The following PXN variants were observed in gnomAD, a reference collection of about 807,000 sequenced individuals.
The protein encoded by PXN is testicular tissue protein Li 134.
A neutral mutation model predicts 103.6 loss-of-function variants in PXN; 61 were observed. The observed-to-expected ratio is 0.59, with a 90% confidence interval of 0.48 to 0.73. The LOEUF (loss-of-function observed/expected upper bound fraction) is 0.73, where lower values mean the gene tolerates loss of function less well. Ranked by LOEUF, PXN falls within the 30% of genes least tolerant of loss-of-function variation. The pLI is 0.00. For missense variants in PXN, 1,274 were observed against 1,460.3 expected (o/e 0.87, Z 2.08); for synonymous variants, 562 against 607.8 (o/e 0.92, Z 1.11).
intron 7 of PXN, among the ~76,000 whole-genome samples, chr12:120,218,450 C>T (rs1594369187): frequency 1.3e-5 from 2 of 152,124 alleles, no homozygotes; most frequent in South Asian, 2.1e-4. Context: ...CTTGGCTCAC[C>T]GCAACCTCTG....
chr12:120,265,685 T>C lies in PXN; in HGVS notation c.-56A>G. 4.2e-6 allele frequency: 6 copies of C among 1,414,352 alleles called. No individual in the cohort carries two copies. The South Asian group carries it at 8.4e-5, about 20-fold the overall frequency. The allele number at this position is 1,414,352 out of a possible 1,614,324, so 87.6% of individuals were successfully genotyped here. A position where few individuals can be genotyped will look rare whatever the true frequency, so the allele number is the denominator to read the frequency against. On this transcript the variant is annotated 5_prime_UTR_variant, in exon 1 of 15. Coordinates refer to ENST00000637617, the MANE Select transcript of PXN (RefSeq NM_001385981.1). This position sits in a 1 kb window ranked among gnomAD's most constrained non-coding sequence, Gnocchi z 5.7. ...CGCTAGCTGCCCGTCCCGGGGCCGC[T>C]CGTCTATGCCCCGCAACTTTTCCGC... is the stretch of plus-strand genomic sequence containing the variant.
intron 1 of PXN, among the ~76,000 whole-genome samples, chr12:120,233,456 A>C (rs1888446859): frequency 1.3e-5 from 2 of 152,064 alleles, no homozygotes; most frequent in South Asian, 4.1e-4. Flanking sequence ...ACAGGTACAC[A>C]CCACACCTGG....
chr12:120,224,068 C>T lies in PXN; in HGVS notation c.240+83G>A. 8.7e-7 allele frequency: 1 copy of T among 1,155,216 alleles called. No individual in the cohort carries two copies. The highest frequency in any genetic ancestry group is 1.2e-6 in the Non-Finnish European group (1 of 823,770). 71.6% of individuals were successfully genotyped at this position (1,155,216 alleles called of 1,614,324 possible). On this transcript the variant is annotated intron_variant, in intron 2 of 14. Coordinates refer to ENST00000637617, the MANE Select transcript of PXN (RefSeq NM_001385981.1). The surrounding 1 kb of genome is among the most constrained non-coding windows in gnomAD (Gnocchi z 5.0). ...TCGACTGCCCCAATTCCATTCCATC[C>T]CCTGGCTCCCTAAGCCCCTGCCAGC...
intron 1 of PXN, among the ~76,000 whole-genome samples, chr12:120,261,794 T>C (rs1893925195): frequency 6.6e-6 from 1 of 152,160 alleles, no homozygotes; most frequent in Non-Finnish European, 1.5e-5. Context: ...CTTGAACCTA[T>C]AGTGACAGGG....
chr12:120,214,332 T>G lies in PXN; in HGVS notation c.2749-115A>C. The G allele has an allele frequency of 1.2e-6, 1 of 855,496 alleles. No individual in the cohort carries two copies. Among genetic ancestry groups the G allele is most frequent in the East Asian group, 2.7e-5 (1 of 37,612 alleles). 53.0% of individuals were successfully genotyped at this position (855,496 alleles called of 1,614,324 possible). A position where few individuals can be genotyped will look rare whatever the true frequency, so the allele number is the denominator to read the frequency against. On this transcript the variant is annotated intron_variant, in intron 12 of 14. Transcript: ENST00000637617. This position sits in a 1 kb window ranked among gnomAD's most constrained non-coding sequence, Gnocchi z 5.0. ...CATAGCCATAGACAGAGCAAAACAC[T>G]CCCAAGATGGGGGTCTCTCCTAATT...
In PXN at chr12:120,265,375, C is replaced by A. The variant is rs907062727; in HGVS notation, c.13+242G>T. On this transcript the variant is annotated intron_variant, in intron 1 of 14. Coordinates refer to ENST00000637617, the MANE Select transcript of PXN (RefSeq NM_001385981.1). The surrounding 1 kb of genome is among the most constrained non-coding windows in gnomAD (Gnocchi z 5.7). ...TGATGGGTCCCCGAGGTCGGGGGTC[C>A]AGAGGTGAAGCCGTCCCAGACGGGG... Among the ~76,000 whole-genome samples, 4 of 152,076 alleles carry A rather than the reference C, an allele frequency of 2.6e-5. No homozygotes were observed. The highest frequency in any genetic ancestry group is 2.4e-5 in the African/African-American group (1 of 41,424).
chr12:120,215,619 C>A lies in PXN; in HGVS notation c.2344G>T (p.Ala782Ser), dbSNP rs762408891. The A allele has an allele frequency of 6.2e-7, 1 of 1,612,162 alleles. No individual in the cohort carries two copies. The highest frequency in any genetic ancestry group is 8.5e-7 in the Non-Finnish European group (1 of 1,179,302). ...CCGCCGTCCCGAGGCCAGCCGGCCG[C>A]CCAGCACCGCTCCCCATCCGCTCTT... ...EQRADGERCWAAGWPRDGGRS... is the reference protein window; with the variant it reads ...EQRADGERCWSAGWPRDGGRS... Residue 782 changes from alanine (A) to serine (S), a missense_variant, in exon 10 of 15, where the codon GCG (alanine) becomes TCG (serine). Ala to Ser is a moderately conservative substitution (Grantham distance 99). Around this residue, in one of 2 missense-constraint regions of PXN, gnomAD observed 1,178 missense variants for 1,309.0 expected, o/e 0.90. Transcript: ENST00000637617. The surrounding 1 kb of genome is among the most constrained non-coding windows in gnomAD (Gnocchi z 4.9).
rs1594431395 is a variant in PXN, at chr12:120,228,492, T to C, written c.14-4115A>G. 6.6e-6 allele frequency among the ~76,000 whole-genome samples: 1 copy of C among 152,096 alleles called. No individual in the cohort carries two copies. Among genetic ancestry groups the C allele is most frequent in the African/African-American group, 2.4e-5 (1 of 41,416 alleles). On this transcript the variant is annotated intron_variant, in intron 1 of 14. Transcript: ENST00000637617. The surrounding 1 kb of genome is among the most constrained non-coding windows in gnomAD (Gnocchi z 4.7). ...TGGCTCCGCCCTGGTGAGGAAGGGG[T>C]GCAGACTGTCTGCTGCTCCCCACCA...
At chr12:120,239,106 G>A (rs921227344) in intron 1 of PXN, among the ~76,000 whole-genome samples, 2 of 152,218 alleles carry the variant, frequency 1.3e-5, no homozygotes, top group Admixed American at 6.5e-5. Context: ...GCAAGCACCT[G>A]TCCCACTACT....
intron 1 of PXN, chr12:120,248,617 C>G (rs1174393160): frequency 6.6e-6 from 1 of 152,226 alleles, no homozygotes; most frequent in Non-Finnish European, 1.5e-5. Flanking sequence ...GGAATCAGAA[C>G]AGAGTCTACA....
rs1008991946 is a variant in PXN at position 120,264,145 on chromosome 12, C to A, written c.13+1472G>T. 6 of 152,406 alleles carry A rather than the reference C, an allele frequency of 3.9e-5. No homozygotes were observed. The East Asian group carries it at 1.2e-3, about 29-fold the overall frequency. 9.4% of individuals were successfully genotyped at this position (152,406 alleles called of 1,614,324 possible). A position where few individuals can be genotyped will look rare whatever the true frequency, so the allele number is the denominator to read the frequency against. On this transcript the variant is annotated intron_variant, in intron 1 of 14. Transcript: ENST00000637617. ...CAGCCATCTCACTCTGCAAAACAGG[C>A]AGGACCCTACACCAACCCCAGCTCC...
chr12:120,239,018 G>A (rs1314788852), intron 1 of PXN, among the ~76,000 whole-genome samples: 4 of 152,180 alleles, frequency 2.6e-5, no homozygotes. Context: ...CCAAACTGTC[G>A]GGTGGGGCTG....
rs541823552 is a variant in PXN at position 120,211,175 on chromosome 12, C to T, written c.*1139G>A. On this transcript the variant is annotated 3_prime_UTR_variant, in exon 15 of 15. Transcript: ENST00000637617. ...TCAGACAGGAAGCAGCCCCCCAAAA[C>T]ATACTTCCCCTTCTCCTCCCACAGA... 6 of 152,568 alleles carry T rather than the reference C, an allele frequency of 3.9e-5. No individual in the cohort carries two copies. The highest frequency in any genetic ancestry group is 1.3e-4 in the Admixed American group (2 of 15,304). 9.5% of individuals were successfully genotyped at this position (152,568 alleles called of 1,614,324 possible).
rs1297787637 is a variant in PXN, at chr12:120,213,832, G to T, written c.2979+10C>A. 6.2e-7 allele frequency: 1 copy of T among 1,607,886 alleles called. No individual in the cohort carries two copies. Among genetic ancestry groups the T allele is most frequent in the African/African-American group, 1.3e-5 (1 of 74,904 alleles). On this transcript the variant is annotated intron_variant, in intron 14 of 14. Transcript: ENST00000637617. This position sits in a 1 kb window ranked among gnomAD's most constrained non-coding sequence, Gnocchi z 4.2. ...CCTCGCCCCTCCAGATGTGGTCAGGGGCTCCTTACCCGGCACACAAAGCAC... is the reference window on the plus strand; with the variant it reads ...CCTCGCCCCTCCAGATGTGGTCAGGTGCTCCTTACCCGGCACACAAAGCAC...
chr12:120,219,201 G>A lies in PXN; in HGVS notation c.1716+6C>T, dbSNP rs1319094976. On this transcript the variant is annotated splice_donor_region_variant and intron_variant, in intron 7 of 14. Coordinates refer to ENST00000637617, the MANE Select transcript of PXN (RefSeq NM_001385981.1). This position sits in a 1 kb window ranked among gnomAD's most constrained non-coding sequence, Gnocchi z 6.5. Reference sequence around the variant, plus strand: ...ATGCCCAGCAGCCATGCGAGCTGGTGCCTGCCTGGCCAGAGGTGGAAATCC... The same window carrying A: ...ATGCCCAGCAGCCATGCGAGCTGGTACCTGCCTGGCCAGAGGTGGAAATCC... 1 of 1,559,456 alleles carries A rather than the reference G, an allele frequency of 6.4e-7. No individual in the cohort carries two copies. The highest frequency in any genetic ancestry group is 2.3e-5 in the East Asian group (1 of 44,262).
intron 1 of PXN, among the ~76,000 whole-genome samples, chr12:120,238,943 G>GC (rs1002858960): frequency 3.3e-5 from 5 of 152,182 alleles, no homozygotes; most frequent in South Asian, 2.1e-4. Flanking sequence ...CCGTGCTTCT[G>GC]CCCCCTAACT....
In PXN at chr12:120,215,428, A is replaced by C. The variant is rs761538980; in HGVS notation, c.2403+132T>G. The C allele has an allele frequency of 2.1e-6, 3 of 1,451,264 alleles. No individual in the cohort carries two copies. The Admixed American group carries it at 7.9e-5, about 38-fold the overall frequency. The allele number at this position is 1,451,264 out of a possible 1,614,324, so 89.9% of individuals were successfully genotyped here. ...CAGGGGCCAGGAGCCCTAAAGTGGGAGTGACGTCAGCAGGACTCCTGGTGG... is the reference window on the plus strand; with the variant it reads ...CAGGGGCCAGGAGCCCTAAAGTGGGCGTGACGTCAGCAGGACTCCTGGTGG... On this transcript the variant is annotated intron_variant, in intron 10 of 14. Transcript: ENST00000637617. This position sits in a 1 kb window ranked among gnomAD's most constrained non-coding sequence, Gnocchi z 4.9.
Position 120,216,377 on chromosome 12 carries a change from G to A in PXN, c.2197C>T (p.His733Tyr), listed in dbSNP as rs1883002467. 2 of 1,319,916 alleles carry A rather than the reference G, an allele frequency of 1.5e-6. No individual in the cohort carries two copies. The highest frequency in any genetic ancestry group is 3.1e-5 in the African/African-American group (2 of 64,978). 81.8% of individuals were successfully genotyped at this position (1,319,916 alleles called of 1,614,324 possible). A position where few individuals can be genotyped will look rare whatever the true frequency, so the allele number is the denominator to read the frequency against. The change falls in exon 9 of 15, where the codon CAT becomes TAT. Residue 733 changes from histidine (H) to tyrosine (Y), a missense_variant. Coordinates refer to ENST00000637617, the MANE Select transcript of PXN (RefSeq NM_001385981.1). The surrounding 1 kb of genome is among the most constrained non-coding windows in gnomAD (Gnocchi z 5.1). ...GCAGGGCCCTGCACCCCCTCATCAT[G>A]GGGCTCTTCCCCTGCACTCTGGACC... Reference protein sequence around the residue: ...SGVQSAGEEPHDEGVQGPALP... With the variant: ...SGVQSAGEEPYDEGVQGPALP...
In PXN at chr12:120,212,679, G is replaced by T; in HGVS notation, c.2980-99C>A. The T allele has an allele frequency of 2.1e-6, 3 of 1,401,438 alleles. No homozygotes were observed. Among genetic ancestry groups the T allele is most frequent in the South Asian group, 1.3e-5 (1 of 76,000 alleles). The allele number at this position is 1,401,438 out of a possible 1,614,324, so 86.8% of individuals were successfully genotyped here. A position where few individuals can be genotyped will look rare whatever the true frequency, so the allele number is the denominator to read the frequency against. ...TGGGCATAGTCGGCACGCTCGGAGT[G>T]ACTCCTACTTGCTAGGCGTTTCCCA... On this transcript the variant is annotated intron_variant, in intron 14 of 14. Transcript: ENST00000637617. The surrounding 1 kb of genome is among the most constrained non-coding windows in gnomAD (Gnocchi z 7.2).
Sources: gnomAD v4.1 joint callset for allele counts (sites outside exome capture counted in the v4.1 genomes callset) on GRCh38, gnomAD v4.1.1 for gene constraint, gnomAD v4.1.1 regional missense constraint, Gnocchi (gnomAD v3.1) non-coding constraint, MANE v1.5 for transcripts, NCBI Gene and HGNC (gene_info 2026-07-23, HGNC 2026-07-21) for gene names.